The following REST variants were observed in gnomAD, a reference collection of about 807,000 sequenced individuals.
REST encodes the protein RE1-silencing transcription factor.
A neutral mutation model predicts 30.4 loss-of-function variants in REST; 1 was observed. The observed-to-expected ratio is 0.03, with a 90% confidence interval of 0.01 to 0.16. The LOEUF (loss-of-function observed/expected upper bound fraction) is 0.16. Among genes scored for constraint, REST ranks in the 10% least tolerant of loss-of-function variants. REST has a pLI of 1.00. For missense variants in REST, 1,259 were observed against 1,329.5 expected, an observed-to-expected ratio of 0.95 and a Z score of 0.82; for synonymous variants, 504 against 451.1, an observed-to-expected ratio of 1.12 and a Z score of -1.49.
chr4:56,918,983 ATTT>A (rs869154156), intron 2 of REST, among the ~76,000 whole-genome samples: 1 of 137,978 alleles, frequency 7.2e-6, no homozygotes, highest in Admixed American at 7.4e-5. Flanking sequence ...AGCCCAGGCT[ATTT>A]TTTTTTTTTT....
Position 56,931,913 on chromosome 4 carries a change from C to G in REST, c.3055C>G (p.Leu1019Val), listed in dbSNP as rs1405828762. The change falls in exon 4 of 4, where the codon CTA (leucine) becomes GTA (valine). Residue 1019 changes from leucine (L) to valine (V), a missense_variant. Coordinates refer to ENST00000309042, the MANE Select transcript of REST (RefSeq NM_005612.5). ...CATCCACAGCCATGAAGGAAGTGAC[C>G]TAAGTGACAACATGTCAGAGGGTAG... ...EGIHSHEGSD[L>V]SDNMSEGSDD... 1 of 1,614,170 alleles carries G rather than the reference C, an allele frequency of 6.2e-7. No homozygotes were observed. Among genetic ancestry groups the G allele is most frequent in the Admixed American group, 1.7e-5 (1 of 60,018 alleles).
intron 3 of REST, among the ~76,000 whole-genome samples, chr4:56,928,359 C>T (rs553117071): frequency 1.3e-5 from 2 of 151,860 alleles, no homozygotes; most frequent in Non-Finnish European, 2.9e-5. Flanking sequence ...CCACTGCCTT[C>T]GCCTCCCAAA....
Position 56,931,201 on chromosome 4 carries a change from G to T in REST, c.2343G>T (p.Leu781Phe). 6.2e-7 allele frequency: 1 copy of T among 1,614,150 alleles called. No individual in the cohort carries two copies. The highest frequency in any genetic ancestry group is 1.1e-5 in the South Asian group (1 of 91,086). The part of the protein sequence containing the change: ...VVQKEPVQME[L>F]SPPMGVVQKE... ...AGAAGGAGCCTGTTCAGATGGAGTT[G>T]TCTCCTCCCATGGGGGTGGTTCAGA... The change falls in exon 4 of 4, where the codon TTG (leucine) becomes TTT (phenylalanine). Residue 781 changes from leucine (L) to phenylalanine (F), a missense_variant. By Grantham distance (22) the Leu-to-Phe change is conservative. Around this residue, in one of 5 missense-constraint regions of REST, gnomAD observed 856 missense variants for 772.8 expected, o/e 1.11. Coordinates refer to ENST00000309042, the MANE Select transcript of REST (RefSeq NM_005612.5).
chr4:56,910,851 A>G lies in REST; in HGVS notation c.213A>G (p.Arg71=). 6.2e-7 allele frequency: 1 copy of G among 1,614,200 alleles called. No homozygotes were observed. The highest frequency in any genetic ancestry group is 1.6e-4 in the Middle Eastern group (1 of 6,062). Residue 71 remains arginine (R), a synonymous_variant, in exon 2 of 4, where the codon AGA becomes AGG. Transcript: ENST00000309042. ...GTGATTACCTGGTCGGTGAAGAAAG[A>G]CAGATGGCAGAACTGATGCCGGTTG... ...SCCDYLVGEE[R]QMAELMPVGD... is the part of the protein sequence containing the mutation.
At chr4:56,915,388 G>C (rs1720148195) in intron 2 of REST, among the ~76,000 whole-genome samples, 1 of 151,232 alleles carries the variant, frequency 6.6e-6, no homozygotes, top group Admixed American at 6.6e-5. Context: ...TGGGATTACA[G>C]GTGCGTGCCA....
At chr4:56,928,680 A>T (rs1210051293) in intron 3 of REST, among the ~76,000 whole-genome samples, 5 of 150,470 alleles carry the variant, frequency 3.3e-5, no homozygotes, top group African/African-American at 1.2e-4. Flanking sequence ...CCGCCTCCTG[A>T]GTTAAAGCAA....
chr4:56,928,108 T>G (rs950134866), intron 3 of REST, among the ~76,000 whole-genome samples: 3 of 152,168 alleles, frequency 2.0e-5, no homozygotes, highest in African/African-American at 7.2e-5. Flanking sequence ...AATTTTATTT[T>G]ATTTTTATTT....
intron 3 of REST, 118 bp downstream of exon 3, chr4:56,919,988 T>A: frequency 2.2e-6 from 1 of 460,930 alleles, no homozygotes; most frequent in Non-Finnish European, 3.7e-6. Context: ...AATTTAGAAG[T>A]CAGAATTTAA....
intron 2 of REST, among the ~76,000 whole-genome samples, chr4:56,912,314 C>T (rs947208702): frequency 4.0e-5 from 6 of 150,062 alleles, no homozygotes; most frequent in East Asian, 2.0e-4. Context: ...TGATACTAAG[C>T]GCAACTGTAT....
Position 56,908,190 on chromosome 4 carries a change from G to T in REST, c.-33G>T. On this transcript the variant is annotated 5_prime_UTR_variant, in exon 1 of 4. Transcript: ENST00000309042. ...AAGGAGCGGCGACTCAGGGTCGCCC[G>T]CCCCTCCTCACCGAGGAAGGCCGGT... 1 of 179,442 alleles carries T rather than the reference G, an allele frequency of 5.6e-6. No homozygotes were observed. 11.1% of individuals were successfully genotyped at this position (179,442 alleles called of 1,614,324 possible).
chr4:56,928,838 C>T (rs1319427242), intron 3 of REST, among the ~76,000 whole-genome samples: 5 of 151,750 alleles, frequency 3.3e-5, no homozygotes, highest in African/African-American at 1.2e-4. Flanking sequence ...ATCCACCTGC[C>T]TTGGCCTCCC....
intron 2 of REST, among the ~76,000 whole-genome samples, chr4:56,913,455 G>A (rs1001176139): frequency 1.3e-5 from 2 of 152,026 alleles, no homozygotes; most frequent in Non-Finnish European, 2.9e-5. Flanking sequence ...GGTACATTTG[G>A]GTCCTGATGA....
At chr4:56,929,280 A>G (rs1056413782) in intron 3 of REST, among the ~76,000 whole-genome samples, 1 of 152,068 alleles carries the variant, frequency 6.6e-6, no homozygotes, top group African/African-American at 2.4e-5. Context: ...CGTGTTGGCC[A>G]GGCTGGTTTC....
At chr4:56,920,226 C>T (rs1449872888) in intron 3 of REST, among the ~76,000 whole-genome samples, 3 of 151,936 alleles carry the variant, frequency 2.0e-5, no homozygotes, top group Non-Finnish European at 4.4e-5. Context: ...AGCTGAGAGT[C>T]ACAACGTGTG....
intron 3 of REST, among the ~76,000 whole-genome samples, chr4:56,929,523 C>A (rs577388767): frequency 5.9e-5 from 9 of 152,202 alleles, no homozygotes; most frequent in African/African-American, 1.9e-4. Context: ...GATAATATTC[C>A]TCCAAATTAA....
At chr4:56,922,778 T>G (rs1474404059) in intron 3 of REST, among the ~76,000 whole-genome samples, 1 of 152,236 alleles carries the variant, frequency 6.6e-6, no homozygotes, top group Non-Finnish European at 1.5e-5. Flanking sequence ...TGTTTTCTCA[T>G]GGTGTCATTT....
intron 3 of REST, among the ~76,000 whole-genome samples, chr4:56,923,667 G>A (rs1053901002): frequency 1.6e-4 from 24 of 151,664 alleles, no homozygotes; most frequent in Non-Finnish European, 1.5e-5. Context: ...CCAAAGTGCT[G>A]GAATTACAGG....
At chr4:56,915,500 G>A (rs1016384091) in intron 2 of REST, among the ~76,000 whole-genome samples, 1 of 151,652 alleles carries the variant, frequency 6.6e-6, no homozygotes, top group South Asian at 2.1e-4. Flanking sequence ...AGCTGACCTC[G>A]GCCTCTCAAG....
chr4:56,931,257 C>A lies in REST; in HGVS notation c.2399C>A (p.Pro800His). The A allele has an allele frequency of 3.7e-6, 6 of 1,614,228 alleles. No homozygotes were observed. The highest frequency in any genetic ancestry group is 5.1e-6 in the Non-Finnish European group (6 of 1,180,036). Residue 800 changes from proline to histidine, a missense_variant, in exon 4 of 4, where the codon CCC becomes CAC. By Grantham distance (77) the Pro-to-His change is moderately conservative (BLOSUM62 -2). Around this residue, in one of 5 missense-constraint regions of REST, gnomAD observed 856 missense variants for 772.8 expected, o/e 1.11. Transcript: ENST00000309042. ...KEPAQREPPP[P>H]REPPLHMEPI... ...CCTGCTCAGAGGGAGCCACCTCCTCCCAGAGAGCCTCCCCTTCACATGGAG... is the reference window on the plus strand; with the variant it reads ...CCTGCTCAGAGGGAGCCACCTCCTCACAGAGAGCCTCCCCTTCACATGGAG...
Sources: gnomAD v4.1 joint callset for allele counts (sites outside exome capture counted in the v4.1 genomes callset) on GRCh38, gnomAD v4.1.1 for gene constraint, gnomAD v4.1.1 regional missense constraint, MANE v1.5 for transcripts, NCBI Gene and HGNC (gene_info 2026-07-23, HGNC 2026-07-21) for gene names.